The following RIGI variants were observed in gnomAD, a reference collection of about 807,000 sequenced individuals.
RIGI encodes the protein antiviral innate immune response receptor RIG-I.
At chr9:32,467,949 G>A in the RIGI span, 2 of 1,568,572 alleles carry the variant, frequency 1.3e-6, no homozygotes, top group East Asian at 2.3e-5. Flanking sequence ...CAGAGTAAGA[G>A]GGCATTATAC....
chr9:32,481,951 A>T, the RIGI span, among the ~76,000 whole-genome samples: 1 of 152,194 alleles, frequency 6.6e-6, no homozygotes, highest in Admixed American at 6.5e-5. Context: ...CATCTAGTTA[A>T]AACTATTTAA....
At chr9:32,498,550 T>C in the RIGI span, among the ~76,000 whole-genome samples, 1 of 152,172 alleles carries the variant, frequency 6.6e-6, no homozygotes, top group East Asian at 1.9e-4. Flanking sequence ...CTTCTGTTGA[T>C]AGAAAACACC....
the RIGI span, among the ~76,000 whole-genome samples, chr9:32,525,384 C>T: frequency 6.6e-6 from 1 of 152,198 alleles, no homozygotes; most frequent in Admixed American, 6.5e-5. Context: ...CCGGCCTCAT[C>T]GATATCTTTT....
At chr9:32,521,418 G>A in the RIGI span, among the ~76,000 whole-genome samples, 1,022 of 152,248 alleles carry the variant, frequency 6.7e-3, 5 homozygotes, top group African/African-American at 0.022. Flanking sequence ...TTGGGAAACT[G>A]AGTCGCCTAT....
chr9:32,458,976 G>C, the RIGI span, among the ~76,000 whole-genome samples: 1 of 145,198 alleles, frequency 6.9e-6, no homozygotes, highest in African/African-American at 2.5e-5. Flanking sequence ...CGCAACCTCT[G>C]CCTCCCGGTT....
At chr9:32,525,976 C>A in the RIGI span, 126 of 1,057,482 alleles carry the variant, frequency 1.2e-4, no homozygotes, top group Non-Finnish European at 1.8e-4. Context: ...AGGCTCTCTG[C>A]ATTGATTAAA....
At chr9:32,526,118 G>A in the RIGI span, 6 of 1,613,912 alleles carry the variant, frequency 3.7e-6, no homozygotes, top group South Asian at 1.1e-5. Context: ...AGGGTCTTCC[G>A]GATATAATCC....
At chr9:32,496,381 T>C in the RIGI span, among the ~76,000 whole-genome samples, 1 of 152,224 alleles carries the variant, frequency 6.6e-6, no homozygotes, top group Admixed American at 6.5e-5. Flanking sequence ...CAGATTATCA[T>C]TTGAATCAGA....
At chr9:32,497,142 T>G in the RIGI span, among the ~76,000 whole-genome samples, 4 of 152,362 alleles carry the variant, frequency 2.6e-5, no homozygotes, top group Admixed American at 1.3e-4. Flanking sequence ...CTTTTGGTAG[T>G]ATAGGCAACT....
At chr9:32,479,918 A>G in the RIGI span, among the ~76,000 whole-genome samples, 2 of 152,228 alleles carry the variant, frequency 1.3e-5, no homozygotes, top group African/African-American at 4.8e-5. Context: ...AGCTTTATAA[A>G]ATTACTAAAA....
At chr9:32,476,590 T>C in the RIGI span, among the ~76,000 whole-genome samples, 4,399 of 150,204 alleles carry the variant, frequency 0.029, 235 homozygotes, top group African/African-American at 0.1. Context: ...ATAGAGAAAC[T>C]CAGAACAGAC....
the RIGI span, chr9:32,493,945 G>GA: frequency 2.7e-5 from 41 of 1,545,226 alleles, no homozygotes; most frequent in South Asian, 6.2e-5. Flanking sequence ...AGAATAACCT[G>GA]AAAAAAAAGA....
the RIGI span, among the ~76,000 whole-genome samples, chr9:32,524,255 T>C: frequency 2.0e-5 from 3 of 152,236 alleles, no homozygotes; most frequent in Non-Finnish European, 4.4e-5. Context: ...TATTAGGTAA[T>C]AGGTGCTGAG....
chr9:32,523,239 T>C, the RIGI span, among the ~76,000 whole-genome samples: 1 of 152,168 alleles, frequency 6.6e-6, no homozygotes, highest in African/African-American at 2.4e-5. Context: ...CAAAAGAACC[T>C]AGGCTGAATC....
the RIGI span, among the ~76,000 whole-genome samples, chr9:32,464,751 G>A: frequency 6.6e-6 from 1 of 152,130 alleles, no homozygotes; most frequent in East Asian, 1.9e-4. Flanking sequence ...GATAGGACAG[G>A]GATACCAACA....
the RIGI span, among the ~76,000 whole-genome samples, chr9:32,519,156 T>G: frequency 0.57 from 86,291 of 152,036 alleles, 24,856 homozygotes; most frequent in Middle Eastern, 0.68. Flanking sequence ...GAGTAGAAAA[T>G]TTTCAGGTTG....
chr9:32,467,932 C>A, the RIGI span: 2 of 1,582,384 alleles, frequency 1.3e-6, no homozygotes, highest in Non-Finnish European at 1.7e-6. Flanking sequence ...GAGGGTCATT[C>A]CTGTGTCAGA....
the RIGI span, among the ~76,000 whole-genome samples, chr9:32,522,476 T>G: frequency 4.6e-5 from 7 of 152,208 alleles, no homozygotes; most frequent in Non-Finnish European, 8.8e-5. Context: ...GGGCTTTGAC[T>G]GAAATGGCCT....
the RIGI span, chr9:32,492,298 A>G: frequency 1.4e-6 from 2 of 1,383,892 alleles, no homozygotes; most frequent in South Asian, 1.3e-5. Context: ...AGCTCTGGCT[A>G]TCTGAGGGGA....
Sources: gnomAD v4.1 joint callset for allele counts (sites outside exome capture counted in the v4.1 genomes callset) on GRCh38, gnomAD v4.1.1 for gene constraint, MANE v1.5 for transcripts, NCBI Gene and HGNC (gene_info 2026-07-23, HGNC 2026-07-21) for gene names.